Variants in CEP120 observed in about 807,000 individuals in gnomAD.
CEP120 encodes the protein centrosomal protein 120.
CEP120 carries 113 observed loss-of-function variants against 126.5 expected under a neutral mutation model. The ratio of observed to expected loss-of-function variants is 0.89; its 90% CI spans 0.77 to 1.04. The LOEUF is 1.04. Ranked by LOEUF, CEP120 falls within the 50% of genes least tolerant of loss-of-function variation. The pLI is 0.00. For synonymous variants in CEP120, 400 were observed against 394.3 expected (o/e 1.01, Z -0.17); for missense variants, 1,230 against 1,155.7 (o/e 1.06, Z -0.93).
chr5:123,347,942 G>C (rs957369155), intron 19 of CEP120, among the ~76,000 whole-genome samples: 2 of 152,096 alleles, frequency 1.3e-5, no homozygotes, highest in Non-Finnish European at 2.9e-5. Flanking sequence ...CTGGTCACAT[G>C]CCATTGGAAG....
chr5:123,385,278 C>T, intron 10 of CEP120, 145 bp from the exon 11 acceptor site: 1 of 552,916 alleles, frequency 1.8e-6, no homozygotes, highest in Non-Finnish European at 3.1e-6. Flanking sequence ...AGACTGAATG[C>T]TAAATTTCAC....
rs533053745 is a variant in CEP120 at position 123,345,343 on chromosome 5, C to A, written c.*1176G>T. The A allele has an allele frequency of 6.6e-6, 1 of 151,852 alleles. No homozygotes were observed. Among genetic ancestry groups the A allele is most frequent in the Admixed American group, 6.6e-5 (1 of 15,224 alleles). The allele number at this position is 151,852 out of a possible 1,614,324, so 9.4% of individuals were successfully genotyped here. A position where few individuals can be genotyped will look rare whatever the true frequency, so the allele number is the denominator to read the frequency against. ...AGAAATATACCTCATTTGAAATGACCGAAAATTAATGTTACCATATATCCT... is the reference window on the plus strand; with the variant it reads ...AGAAATATACCTCATTTGAAATGACAGAAAATTAATGTTACCATATATCCT... On this transcript the variant is annotated 3_prime_UTR_variant, in exon 20 of 20. Transcript: ENST00000306467.
rs112024979 is a variant in CEP120, at chr5:123,371,231, G to C, written c.2481+1419C>G. Among the ~76,000 whole-genome samples the C allele has an allele frequency of 3.0e-3, 461 of 152,118 alleles. 1 individual carries two copies. Among genetic ancestry groups the C allele is most frequent in the African/African-American group, 0.011 (437 of 41,524 alleles). ...TCACGCTGCTGATAAAGACAAACCT[G>C]AGACTGGGCAATTTACAAAGGAAAG... On this transcript the variant is annotated intron_variant, in intron 17 of 19. Coordinates refer to ENST00000306467, the MANE Select transcript of CEP120 (RefSeq NM_001375405.1).
At chr5:123,393,148 A>G in intron 6 of CEP120, 152 bp downstream of exon 6, 1 of 666,668 alleles carries the variant, frequency 1.5e-6, no homozygotes, top group Non-Finnish European at 2.5e-6. Flanking sequence ...GACTCAGGAT[A>G]GTACCTAAAA....
At chr5:123,398,262 T>C (rs1465043630) in intron 5 of CEP120, among the ~76,000 whole-genome samples, 1 of 151,846 alleles carries the variant, frequency 6.6e-6, no homozygotes, top group Non-Finnish European at 1.5e-5. Flanking sequence ...GAAGTGGACT[T>C]GAGAGGGACA....
intron 19 of CEP120, 125 bp from the exon 20 acceptor site, chr5:123,346,878 C>CA (rs1561982436): frequency 9.7e-5 from 65 of 667,424 alleles, no homozygotes; most frequent in South Asian, 2.9e-4. Flanking sequence ...GAAAACAAAC[C>CA]AAAAAAAACC....
chr5:123,346,380 C>CTA lies in CEP120; in HGVS notation c.*137_*138dup. On this transcript the variant is annotated 3_prime_UTR_variant, in exon 20 of 20. Transcript: ENST00000306467. ...TAAAGTAAATAAGATCAAATAAATACTATACAATAACATACAAAATTTTGC... is the reference window on the plus strand; with the variant it reads ...TAAAGTAAATAAGATCAAATAAATACTATATACAATAACATACAAAATTTTGC... 3.4e-6 allele frequency: 2 copies of CTA among 595,544 alleles called. No individual in the cohort carries two copies. The highest frequency in any genetic ancestry group is 5.7e-5 in the East Asian group (2 of 35,076). The allele number at this position is 595,544 out of a possible 1,614,324, so 36.9% of individuals were successfully genotyped here.
chr5:123,385,718 G>C (rs1212296271), intron 10 of CEP120, among the ~76,000 whole-genome samples: 3 of 151,356 alleles, frequency 2.0e-5, no homozygotes, highest in African/African-American at 4.9e-5. Context: ...CTGGGCTCAA[G>C]TGATCCTCCC....
At chr5:123,376,592 T>C (rs1771242825) in intron 16 of CEP120, among the ~76,000 whole-genome samples, 1 of 151,990 alleles carries the variant, frequency 6.6e-6, no homozygotes, top group African/African-American at 2.4e-5. Context: ...AGGAGCAGAT[T>C]AGAGGGGCCC....
At chr5:123,370,596 G>A (rs1007823548) in intron 17 of CEP120, among the ~76,000 whole-genome samples, 5 of 151,362 alleles carry the variant, frequency 3.3e-5, no homozygotes, top group African/African-American at 1.2e-4. Context: ...TCCCACCTCA[G>A]CCTCCTGAGT....
chr5:123,378,299 C>T lies in CEP120; in HGVS notation c.2196+37G>A, dbSNP rs375037149. On this transcript the variant is annotated intron_variant, in intron 15 of 19. Transcript: ENST00000306467. ...TATTTCTACTTTGCAATAAACCCCT[C>T]TATGCTGAAAAAAAATACAATGGAC... The T allele has an allele frequency of 7.3e-6, 11 of 1,499,802 alleles. No homozygotes were observed. The African/African-American group carries it at 1.0e-4, about 14-fold the overall frequency. The allele number at this position is 1,499,802 out of a possible 1,614,324, so 92.9% of individuals were successfully genotyped here.
intron 19 of CEP120, among the ~76,000 whole-genome samples, chr5:123,347,203 T>A (rs1439033454): frequency 6.6e-6 from 1 of 152,228 alleles, no homozygotes; most frequent in East Asian, 1.9e-4. Context: ...AGAGATTTTT[T>A]AATATCATTA....
At chr5:123,376,600 C>T (rs1406200463) in intron 16 of CEP120, among the ~76,000 whole-genome samples, 1 of 151,980 alleles carries the variant, frequency 6.6e-6, no homozygotes. Context: ...ATTAGAGGGG[C>T]CCATCACTGA....
chr5:123,402,122 G>A, intron 4 of CEP120: 1 of 1,577,830 alleles, frequency 6.3e-7, no homozygotes. Flanking sequence ...GGACAAGGGG[G>A]CTCAGCAGGC....
intron 14 of CEP120, 133 bp from the exon 15 acceptor site, chr5:123,378,561 C>T (rs529223535): frequency 1.2e-4 from 58 of 485,968 alleles, no homozygotes; most frequent in African/African-American, 5.7e-4. Flanking sequence ...AAATTACATC[C>T]GCCAATTCAA....
At chr5:123,411,624 C>T (rs1390068564) in intron 4 of CEP120, among the ~76,000 whole-genome samples, 1 of 152,168 alleles carries the variant, frequency 6.6e-6, no homozygotes, top group Non-Finnish European at 1.5e-5. Context: ...AACTATATGA[C>T]ATTCAGGAAA....
intron 18 of CEP120, among the ~76,000 whole-genome samples, chr5:123,352,286 C>T (rs566354325): frequency 6.6e-6 from 1 of 152,156 alleles, no homozygotes; most frequent in African/African-American, 2.4e-5. Flanking sequence ...TTAATTTTAA[C>T]ATAGTTCAGA....
intron 1 of CEP120, chr5:123,422,320 C>A: frequency 1.7e-6 from 1 of 603,674 alleles, no homozygotes; most frequent in South Asian, 2.1e-5. Flanking sequence ...TAGGGTCTTC[C>A]ACATCCTGAT....
chr5:123,378,459 GT>G, intron 14 of CEP120, 31 bp from the exon 15 acceptor site: 1 of 856,898 alleles, frequency 1.2e-6, no homozygotes, highest in Non-Finnish European at 1.7e-6. Context: ...AAAAAAAAAA[GT>G]TACCTACCTT....
Sources: allele counts gnomAD v4.1 joint callset (sites outside exome capture counted in the v4.1 genomes callset), GRCh38; gene constraint gnomAD v4.1.1; transcripts MANE v1.5; gene names NCBI Gene and HGNC (gene_info 2026-07-23, HGNC 2026-07-21).